SGCZ: variants seen among roughly 807,000 people sequenced by gnomAD.
SGCZ encodes the protein sarcoglycan zeta.
Under a neutral mutation model 41.3 loss-of-function variants are expected in SGCZ, and 40 were observed. That is an observed-to-expected ratio of 0.97 (90% CI 0.75 to 1.26). The LOEUF is 1.26. Among genes scored for constraint, SGCZ ranks in the 50% most tolerant of loss-of-function variants. The pLI, the probability that SGCZ is intolerant of heterozygous loss-of-function variation, is 0.00. For missense variants in SGCZ, 552 were observed against 369.8 expected (o/e 1.49, Z -4.04); for synonymous variants, 206 against 137.5 (o/e 1.50, Z -3.49).
chr8:14,440,250 C>T, intron 2 of SGCZ, among the ~76,000 whole-genome samples: 1 of 151,854 alleles, frequency 6.6e-6, no homozygotes, highest in African/African-American at 2.4e-5. Context: ...TAAAAGAGCT[C>T]TATTTGACTT....
At chr8:14,600,220 T>C (rs1031414776) in intron 1 of SGCZ, among the ~76,000 whole-genome samples, 7 of 152,176 alleles carry the variant, frequency 4.6e-5, no homozygotes, top group African/African-American at 1.7e-4. Flanking sequence ...TTCATATCTG[T>C]TATGCATTTT....
intron 1 of SGCZ, among the ~76,000 whole-genome samples, chr8:14,955,851 T>C (rs532900351): frequency 1.3e-5 from 2 of 152,258 alleles, no homozygotes; most frequent in East Asian, 3.9e-4. Flanking sequence ...TTATGAGTTG[T>C]CTTCTCACTT....
intron 1 of SGCZ, among the ~76,000 whole-genome samples, chr8:14,904,784 A>G (rs1799074886): frequency 6.6e-6 from 1 of 151,912 alleles, no homozygotes; most frequent in Admixed American, 6.6e-5. Context: ...TTTATTTTAC[A>G]CTTTTTGCCA....
chr8:14,878,201 T>C (rs1363875168), intron 1 of SGCZ, among the ~76,000 whole-genome samples: 3 of 151,370 alleles, frequency 2.0e-5, no homozygotes, highest in African/African-American at 7.3e-5. Context: ...TTTTTTTCTT[T>C]TTTTTTTTTT....
intron 1 of SGCZ, among the ~76,000 whole-genome samples, chr8:15,152,252 C>A (rs1414613029): frequency 6.6e-6 from 1 of 151,904 alleles, no homozygotes; most frequent in Admixed American, 6.6e-5. Context: ...AAGAACAAAG[C>A]AAGGCAGGAA....
At chr8:14,536,142 A>G (rs1272785119) in intron 2 of SGCZ, among the ~76,000 whole-genome samples, 1 of 151,918 alleles carries the variant, frequency 6.6e-6, no homozygotes, top group African/African-American at 2.4e-5. Context: ...TATACATATG[A>G]AAAGTATTTT....
intron 2 of SGCZ, among the ~76,000 whole-genome samples, chr8:14,491,493 C>T (rs1801841719): frequency 6.6e-6 from 1 of 152,106 alleles, no homozygotes; most frequent in African/African-American, 2.4e-5. Context: ...AAACATAACT[C>T]TCAAGACTGT....
chr8:14,588,770 A>T (rs1805146548), intron 1 of SGCZ, among the ~76,000 whole-genome samples: 1 of 152,158 alleles, frequency 6.6e-6, no homozygotes, highest in Admixed American at 6.6e-5. Context: ...TAGATTGATA[A>T]CAAAGAATTT....
intron 3 of SGCZ, among the ~76,000 whole-genome samples, chr8:14,287,945 G>A (rs537107071): frequency 6.6e-6 from 1 of 151,924 alleles, no homozygotes; most frequent in Non-Finnish European, 1.5e-5. Flanking sequence ...ATTCCTCTTC[G>A]GTGAAGTAAA....
At chr8:15,177,198 G>C (rs1800026456) in intron 1 of SGCZ, among the ~76,000 whole-genome samples, 1 of 152,112 alleles carries the variant, frequency 6.6e-6, no homozygotes, top group African/African-American at 2.4e-5. Flanking sequence ...AGACAGAATA[G>C]CGAACATGCC....
chr8:14,450,160 A>C (rs1454454738), intron 2 of SGCZ, among the ~76,000 whole-genome samples: 2 of 152,190 alleles, frequency 1.3e-5, no homozygotes, highest in Non-Finnish European at 2.9e-5. Flanking sequence ...CCATAAGGCC[A>C]TGGCTGTGTG....
intron 1 of SGCZ, among the ~76,000 whole-genome samples, chr8:15,234,826 T>C (rs1802072085): frequency 6.6e-6 from 1 of 152,190 alleles, no homozygotes; most frequent in African/African-American, 2.4e-5. Flanking sequence ...AGATAAATTA[T>C]CAGAATCTTT....
At chr8:14,891,895 G>A (rs1165677631) in intron 1 of SGCZ, among the ~76,000 whole-genome samples, 2 of 152,084 alleles carry the variant, frequency 1.3e-5, no homozygotes, top group African/African-American at 4.8e-5. Flanking sequence ...AGGCTCAGAT[G>A]GTCATTAGCA....
At chr8:14,765,192 G>T (rs1800002097) in intron 1 of SGCZ, among the ~76,000 whole-genome samples, 1 of 152,134 alleles carries the variant, frequency 6.6e-6, no homozygotes, top group Admixed American at 6.5e-5. Context: ...ACCTGGACTT[G>T]ATTCCCTTAA....
chr8:15,008,077 A>G (rs1802671053), intron 1 of SGCZ, among the ~76,000 whole-genome samples: 1 of 152,206 alleles, frequency 6.6e-6, no homozygotes, highest in Admixed American at 6.5e-5. Context: ...CAAAAAAACT[A>G]CTGTAAAAGA....
chr8:14,865,588 G>A (rs772084681), intron 1 of SGCZ, among the ~76,000 whole-genome samples: 5 of 152,046 alleles, frequency 3.3e-5, no homozygotes, highest in African/African-American at 7.2e-5. Context: ...CATTCTCCAC[G>A]AATTAACCCA....
rs558269759 is a variant in SGCZ, at chr8:14,956,142, C to T, written c.39+281443G>A. Among the ~76,000 whole-genome samples the T allele has an allele frequency of 4.0e-5, 6 of 149,250 alleles. No individual in the cohort carries two copies. In the South Asian group the frequency reaches 6.3e-4, roughly 16 times the overall value. On this transcript the variant is annotated intron_variant, in intron 1 of 7. Transcript: ENST00000382080. ...GCAACCTCCACCTCCTGGGTTCAAGCGAATCTCCTGCTTCAGACTCCCGAG... is the reference window on the plus strand; with the variant it reads ...GCAACCTCCACCTCCTGGGTTCAAGTGAATCTCCTGCTTCAGACTCCCGAG...
At chr8:14,369,601 G>A (rs1803839755) in intron 2 of SGCZ, among the ~76,000 whole-genome samples, 1 of 151,826 alleles carries the variant, frequency 6.6e-6, no homozygotes. Flanking sequence ...AAAGTCGTTT[G>A]GGAATATGAA....
chr8:14,817,370 C>T (rs2130556837), intron 1 of SGCZ, among the ~76,000 whole-genome samples: 1 of 152,276 alleles, frequency 6.6e-6, no homozygotes, highest in South Asian at 2.1e-4. Context: ...AAGAGAGCCC[C>T]CAGTCCTCAC....
Sources: gnomAD v4.1 joint callset for allele counts (sites outside exome capture counted in the v4.1 genomes callset) on GRCh38, gnomAD v4.1.1 for gene constraint, MANE v1.5 for transcripts, NCBI Gene and HGNC (gene_info 2026-07-23, HGNC 2026-07-21) for gene names.